Variants in ARHGEF3 observed in about 807,000 individuals in gnomAD.
ARHGEF3 encodes Rho guanine nucleotide exchange factor 3.
A neutral mutation model predicts 63.2 loss-of-function variants in ARHGEF3; 28 were observed. That is an observed-to-expected ratio of 0.44 (90% CI 0.33 to 0.61). The LOEUF (loss-of-function observed/expected upper bound fraction) is 0.61, where lower values mean the gene tolerates loss of function less well. ARHGEF3 is among the 20% of genes least tolerant of loss of function. ARHGEF3 has a pLI of 0.03. For synonymous variants in ARHGEF3, 266 were observed against 254.2 expected (o/e 1.05, Z -0.44); for missense variants, 533 against 659.3 (o/e 0.81, Z 2.10).
Position 57,012,772 on chromosome 3 carries a change from C to T in ARHGEF3, c.62+22316G>A, listed in dbSNP as rs1702756386. On this transcript the variant is annotated intron_variant, in intron 2 of 12. Transcript: ENST00000338458. ...CTTGGTGCCTCCTCAGCCTTGGCGC[C>T]CACTCTGGCCACACTTGAGGAGCCC... Among the ~76,000 whole-genome samples the T allele has an allele frequency of 2.0e-5, 3 of 152,264 alleles. No homozygotes were observed. The South Asian group carries it at 6.2e-4, about 31-fold the overall frequency.
chr3:56,780,995 T>C (rs1228193459), intron 1 of ARHGEF3, among the ~76,000 whole-genome samples: 2 of 152,164 alleles, frequency 1.3e-5, no homozygotes, highest in African/African-American at 4.8e-5. Context: ...TAAAATCAAG[T>C]TAAGAAGAGT....
At chr3:56,875,396 A>G (rs1305051024) in intron 4 of ARHGEF3, among the ~76,000 whole-genome samples, 1 of 152,198 alleles carries the variant, frequency 6.6e-6, no homozygotes. Context: ...AAGTAACTCA[A>G]TCTGAGACTC....
At chr3:56,758,900 C>A (rs765666741) in intron 2 of ARHGEF3, among the ~76,000 whole-genome samples, 4 of 152,160 alleles carry the variant, frequency 2.6e-5, no homozygotes, top group African/African-American at 9.7e-5. Context: ...GAAACACACA[C>A]AAAAACTTCA....
intron 1 of ARHGEF3, among the ~76,000 whole-genome samples, chr3:57,037,099 T>C (rs2873611): frequency 0.44 from 66,326 of 152,064 alleles, 14,838 homozygotes; most frequent in Middle Eastern, 0.47. Flanking sequence ...CAGGGGCCAC[T>C]GCTCTGGCTT....
chr3:56,935,275 T>A (rs1023742500), intron 3 of ARHGEF3, among the ~76,000 whole-genome samples: 1 of 152,138 alleles, frequency 6.6e-6, no homozygotes, highest in African/African-American at 2.4e-5. Context: ...GATGGGGACG[T>A]GGAGAACCTT....
intron 4 of ARHGEF3, among the ~76,000 whole-genome samples, chr3:56,858,511 G>A (rs1304532719): frequency 6.6e-6 from 1 of 152,194 alleles, no homozygotes; most frequent in African/African-American, 2.4e-5. Context: ...GACAATGGCA[G>A]TCCCTGTCTG....
intron 4 of ARHGEF3, among the ~76,000 whole-genome samples, chr3:56,837,217 GAAAAGAGTCTAAAT>G (rs2039143958): frequency 6.6e-6 from 1 of 152,184 alleles, no homozygotes; most frequent in Non-Finnish European, 1.5e-5. Context: ...CTATAACCCA[GAAAAGAGTCTAAAT>G]AAAAGAGACT....
intron 1 of ARHGEF3, among the ~76,000 whole-genome samples, chr3:57,069,135 C>T (rs9865583): frequency 0.87 from 132,303 of 151,904 alleles, 57,673 homozygotes; most frequent in East Asian, 0.96. Flanking sequence ...CTTGGCCAGG[C>T]TGGTCTTGAA....
chr3:56,946,117 AC>A (rs953893277), intron 3 of ARHGEF3, among the ~76,000 whole-genome samples: 32 of 152,142 alleles, frequency 2.1e-4, no homozygotes, highest in African/African-American at 7.7e-4. Flanking sequence ...CCACACCAAA[AC>A]CCCATCTGTA....
intron 4 of ARHGEF3, among the ~76,000 whole-genome samples, chr3:56,812,497 C>A (rs2038103844): frequency 6.6e-6 from 1 of 152,242 alleles, no homozygotes; most frequent in South Asian, 2.1e-4. Context: ...GTGCAACATG[C>A]TCATCTGCCC....
intron 1 of ARHGEF3, among the ~76,000 whole-genome samples, chr3:56,792,006 T>G (rs2037100452): frequency 6.7e-6 from 1 of 150,344 alleles, no homozygotes; most frequent in Admixed American, 6.7e-5. Context: ...CTTGGGAGGC[T>G]GAGGCAGGAG....
intron 3 of ARHGEF3, among the ~76,000 whole-genome samples, chr3:56,941,549 C>T (rs181813001): frequency 2.0e-5 from 3 of 152,280 alleles, no homozygotes; most frequent in Non-Finnish European, 4.4e-5. Context: ...TGTTCTAAGA[C>T]CTGAAACTTT....
At chr3:56,966,849 AATTATTATT>A (rs141341491) in intron 2 of ARHGEF3, among the ~76,000 whole-genome samples, 1 of 146,076 alleles carries the variant, frequency 6.8e-6, no homozygotes, top group East Asian at 2.0e-4. Context: ...TTTTTTTTTT[AATTATTATT>A]ATTATTATTA....
intron 3 of ARHGEF3, among the ~76,000 whole-genome samples, chr3:56,884,866 A>G (rs969740165): frequency 6.6e-6 from 1 of 152,242 alleles, no homozygotes; most frequent in African/African-American, 2.4e-5. Flanking sequence ...GTATGGGATA[A>G]TTTCCATCCT....
intron 3 of ARHGEF3, among the ~76,000 whole-genome samples, chr3:56,921,897 T>G (rs536624451): frequency 1.3e-5 from 2 of 152,230 alleles, no homozygotes; most frequent in Non-Finnish European, 2.9e-5. Flanking sequence ...TGCTGGAACA[T>G]GGAAGTCTCA....
chr3:57,042,758 G>A (rs1356152150), intron 1 of ARHGEF3, among the ~76,000 whole-genome samples: 7 of 139,782 alleles, frequency 5.0e-5, no homozygotes, highest in East Asian at 2.1e-4. Context: ...GTACAGTGGC[G>A]TGATCTCAGC....
chr3:57,070,236 C>CCCAT (rs1476949454), intron 1 of ARHGEF3, among the ~76,000 whole-genome samples: 1 of 152,200 alleles, frequency 6.6e-6, no homozygotes, highest in African/African-American at 2.4e-5. Flanking sequence ...AGATCTCCAT[C>CCCAT]CCATCCTTAG....
chr3:56,853,934 G>A (rs1038364342), intron 4 of ARHGEF3, among the ~76,000 whole-genome samples: 12 of 152,118 alleles, frequency 7.9e-5, no homozygotes, highest in Non-Finnish European at 1.5e-4. Context: ...AGTGGCTCAC[G>A]CCTGTAATCC....
At chr3:56,767,583 CAAAAAA>C (rs541314948) in intron 2 of ARHGEF3, among the ~76,000 whole-genome samples, 108 of 77,404 alleles carry the variant, frequency 1.4e-3, no homozygotes, top group East Asian at 2.8e-3. Flanking sequence ...GACTCCGTCT[CAAAAAA>C]AAAAAAAAAA....
Sources: gnomAD v4.1 joint callset for allele counts (sites outside exome capture counted in the v4.1 genomes callset) on GRCh38, gnomAD v4.1.1 for gene constraint, MANE v1.5 for transcripts, NCBI Gene and HGNC (gene_info 2026-07-23, HGNC 2026-07-21) for gene names.